PASK: variants seen among roughly 807,000 people sequenced by gnomAD.
The protein encoded by PASK is PAS domain-containing serine/threonine-protein kinase.
In PASK, 110 loss-of-function variants were observed where a neutral mutation model predicts 121.0. That is an observed-to-expected ratio of 0.91 (90% CI 0.78 to 1.06). PASK has a LOEUF of 1.06. PASK is among the 50% of genes least tolerant of loss of function. The pLI is 0.00. For synonymous variants in PASK, 686 were observed against 717.8 expected (o/e 0.96, Z 0.71); for missense variants, 1,643 against 1,702.3 (o/e 0.97, Z 0.61).
chr2:241,112,627 G>A lies in PASK; in HGVS notation c.3334-188C>T, dbSNP rs1165403084. 1 of 573,562 alleles carries A rather than the reference G, an allele frequency of 1.7e-6. No homozygotes were observed. The highest frequency in any genetic ancestry group is 3.1e-6 in the Non-Finnish European group (1 of 323,460). 35.5% of individuals were successfully genotyped at this position (573,562 alleles called of 1,614,324 possible). A position where few individuals can be genotyped will look rare whatever the true frequency, so the allele number is the denominator to read the frequency against. Reference sequence around the variant, plus strand: ...AGCAAACAGGAAACAAAGCCCTTCAGGAGGCGTGTTCACTGGGGATGGCCA... The same window carrying A: ...AGCAAACAGGAAACAAAGCCCTTCAAGAGGCGTGTTCACTGGGGATGGCCA... On this transcript the variant is annotated intron_variant, in intron 14 of 17. Coordinates refer to ENST00000234040, the MANE Select transcript of PASK (RefSeq NM_015148.4). The surrounding 1 kb of genome is among the most constrained non-coding windows in gnomAD (Gnocchi z 5.2).
chr2:241,149,264 G>C (rs962972492), intron 1 of PASK, 150 bp downstream of exon 1: 8 of 163,432 alleles, frequency 4.9e-5, no homozygotes, highest in Admixed American at 1.3e-4. Context: ...GAAGGGCGAC[G>C]GGCGCAGGGG....
chr2:241,122,531 G>A (rs558580651), intron 12 of PASK, among the ~76,000 whole-genome samples: 52 of 152,280 alleles, frequency 3.4e-4, no homozygotes, highest in African/African-American at 1.2e-3. Flanking sequence ...ACAATTGGAC[G>A]GGATCAGCAA....
upstream of PASK, chr2:241,149,971 C>T (rs2067208108): frequency 4.2e-6 from 6 of 1,420,454 alleles, no homozygotes; most frequent in Non-Finnish European, 5.5e-6. Flanking sequence ...GTAAAATCCG[C>T]GCGGGGACGC....
chr2:241,116,723 G>A (rs2065387017), intron 12 of PASK, among the ~76,000 whole-genome samples: 1 of 152,190 alleles, frequency 6.6e-6, no homozygotes, highest in Admixed American at 6.5e-5. Context: ...AAAGAACACT[G>A]CAAGTCGCTG....
intron 8 of PASK, chr2:241,134,521 A>G (rs1269864771): frequency 6.6e-6 from 1 of 152,228 alleles, no homozygotes; most frequent in East Asian, 1.9e-4. Flanking sequence ...GAACTCACAC[A>G]ATGCCCAGAC....
At chr2:241,138,309 G>A (rs566853842) in intron 5 of PASK, among the ~76,000 whole-genome samples, 1 of 152,322 alleles carries the variant, frequency 6.6e-6, no homozygotes, top group South Asian at 2.1e-4. Context: ...CAGGAGCCTG[G>A]CCCACACCAC....
Position 241,133,016 on chromosome 2 carries a change from C to T in PASK, c.1321G>A (p.Val441Ile), listed in dbSNP as rs753404210. The change falls in exon 9 of 18, where the codon GTC becomes ATC. Residue 441 changes from valine (V) to isoleucine (I), a missense_variant. Coordinates refer to ENST00000234040, the MANE Select transcript of PASK (RefSeq NM_015148.4). ...ACAACGTGGCCACCAGCAAGCACGA[C>T]ATTAATCCTTGGATCTGGCAGCAAC... Reference protein sequence around the residue: ...AEGGQDPRINVVLAGGHVVPR... With the variant: ...AEGGQDPRINIVLAGGHVVPR... 7.4e-6 allele frequency: 12 copies of T among 1,614,056 alleles called. No individual in the cohort carries two copies. Among genetic ancestry groups the T allele is most frequent in the Non-Finnish European group, 1.0e-5 (12 of 1,180,026 alleles).
chr2:241,115,974 CA>C lies in PASK; in HGVS notation c.3073-562del, dbSNP rs1473009301. On this transcript the variant is annotated intron_variant, in intron 12 of 17. Coordinates refer to ENST00000234040, the MANE Select transcript of PASK (RefSeq NM_015148.4). ...CATTACGCCGGGGCCACCTGGTCCT[CA>C]AGCATCCCATTACACCAGGGGCCAC... Among the ~76,000 whole-genome samples the C allele has an allele frequency of 3.6e-4, 36 of 101,296 alleles. 1 individual carries two copies. Among genetic ancestry groups the C allele is most frequent in the African/African-American group, 1.5e-3 (22 of 14,966 alleles). The allele number at this position is 101,296 out of a possible 152,430, so 66.5% of individuals were successfully genotyped here.
In PASK at chr2:241,144,360, G is replaced by A. The variant is rs12623850; in HGVS notation, c.-42-1286C>T. On this transcript the variant is annotated intron_variant, in intron 1 of 17. Transcript: ENST00000234040. ...TAAAGCAAGAAGATTTCCTCTACTG[G>A]CAGGAAGCCCCCACCTGGTCATCCA... Among the ~76,000 whole-genome samples, 6,820 of 152,248 alleles carry A rather than the reference G, an allele frequency of 0.045. 702 individuals are homozygous for A. The East Asian group carries it at 0.45, about 10-fold the overall frequency.
intron 9 of PASK, among the ~76,000 whole-genome samples, chr2:241,130,995 G>A (rs1222194043): frequency 6.6e-6 from 1 of 152,180 alleles, no homozygotes; most frequent in Non-Finnish European, 1.5e-5. Flanking sequence ...ATAGTTAAAT[G>A]CACAAGAAAG....
intron 15 of PASK, among the ~76,000 whole-genome samples, chr2:241,110,834 G>T (rs1298773305): frequency 6.6e-6 from 1 of 152,200 alleles, no homozygotes; most frequent in Admixed American, 6.5e-5. Flanking sequence ...AACTAGATCT[G>T]AAGGGAAACT....
At position 241,106,580 on chromosome 2, in the gene PASK, G is replaced by C; in HGVS notation, c.3958C>G (p.Leu1320Val). The C allele has an allele frequency of 6.2e-7, 1 of 1,614,202 alleles. No homozygotes were observed. Among genetic ancestry groups the C allele is most frequent in the Non-Finnish European group, 8.5e-7 (1 of 1,180,030 alleles). Reference sequence around the variant, plus strand: ...GAAATTGGTGTTTAGCTGGTCAGCAGACGGGGATCCCCGGGATGCAAACAG... The same window carrying C: ...GAAATTGGTGTTTAGCTGGTCAGCACACGGGGATCCCCGGGATGCAAACAG... The part of the protein sequence containing the change: ...QGCLHPGDPR[L>V]LTS The change falls in exon 18 of 18, where the codon CTG becomes GTG. Residue 1320 changes from leucine to valine, a missense_variant. Physicochemically the swap from Leu to Val is conservative, Grantham distance 32. Transcript: ENST00000234040.
rs1429351368 is a variant in PASK at position 241,108,599 on chromosome 2, G to C, written c.3534-299C>G. On this transcript the variant is annotated intron_variant, in intron 15 of 17. Transcript: ENST00000234040. This position sits in a 1 kb window ranked among gnomAD's most constrained non-coding sequence, Gnocchi z 5.2. ...CTACCAGAGGGGGGAGCGGGGGGAG[G>C]GCTTCCTGGAGGAAGCAGAGTACAC... is the stretch of plus-strand genomic sequence containing the variant. The C allele has an allele frequency of 1.5e-5, 7 of 466,808 alleles. No individual in the cohort carries two copies. The highest frequency in any genetic ancestry group is 2.8e-5 in the Non-Finnish European group (7 of 252,156). The allele number at this position is 466,808 out of a possible 1,614,324, so 28.9% of individuals were successfully genotyped here.
intron 12 of PASK, among the ~76,000 whole-genome samples, chr2:241,122,449 G>A (rs1296259637): frequency 6.6e-6 from 1 of 152,216 alleles, no homozygotes; most frequent in Non-Finnish European, 1.5e-5. Context: ...GGGAACACAG[G>A]TCCAGATGTG....
rs935769696 is a variant in PASK, at chr2:241,115,089, C to T, written c.3287G>A (p.Arg1096His). The T allele has an allele frequency of 1.9e-5, 31 of 1,613,984 alleles. No individual in the cohort carries two copies. The highest frequency in any genetic ancestry group is 6.7e-5 in the African/African-American group (5 of 74,914). Residue 1096 changes from arginine to histidine, a missense_variant, in exon 14 of 18, where the codon CGC becomes CAC. By Grantham distance (29) the Arg-to-His change is conservative. Transcript: ENST00000234040. Reference protein sequence around the residue: ...SGLDLFAFIDRHPRLDEPLAS... With the variant: ...SGLDLFAFIDHHPRLDEPLAS... ...CAGGGGCTCATCCAGCCTGGGGTGG[C>T]GGTCGATGAAAGCGAAGAGGTCTAG... is the stretch of plus-strand genomic sequence containing the variant.
chr2:241,108,288 C>T lies in PASK; in HGVS notation c.3546G>A (p.Pro1182=), dbSNP rs143703586. 670 of 1,614,082 alleles carry T rather than the reference C, an allele frequency of 4.2e-4. No individual in the cohort carries two copies. The highest frequency in any genetic ancestry group is 5.5e-4 in the Non-Finnish European group (650 of 1,179,962). The change falls in exon 16 of 18, where the codon CCG becomes CCA. Residue 1182 remains proline, a synonymous_variant. Transcript: ENST00000234040. This position sits in a 1 kb window ranked among gnomAD's most constrained non-coding sequence, Gnocchi z 5.2. ...CTCCCAGAGACCACATCTCCAGCTC[C>T]GGCCCTCTGTAGCTGTGAGGAGGAG... ...EVLMGNPYRG[P]ELEMWSLGVT... is the part of the protein sequence containing the mutation.
chr2:241,136,617 G>A (rs1299439164), intron 7 of PASK, among the ~76,000 whole-genome samples: 5 of 152,166 alleles, frequency 3.3e-5, no homozygotes, highest in Admixed American at 6.5e-5. Context: ...CCCTCATCCA[G>A]GAAGAACACT....
chr2:241,143,953 A>G (rs146834998), intron 1 of PASK, among the ~76,000 whole-genome samples: 1 of 152,378 alleles, frequency 6.6e-6, no homozygotes, highest in East Asian at 1.9e-4. Flanking sequence ...GGGTGGAAAT[A>G]CAGGAAAATC....
At chr2:241,129,430 T>G (rs1374471551) in intron 9 of PASK, among the ~76,000 whole-genome samples, 1 of 152,142 alleles carries the variant, frequency 6.6e-6, no homozygotes, top group Non-Finnish European at 1.5e-5. Flanking sequence ...CCCAGCAGGC[T>G]GGGGAGAGGG....
Sources: gnomAD v4.1 joint callset for allele counts (sites outside exome capture counted in the v4.1 genomes callset) on GRCh38, gnomAD v4.1.1 for gene constraint, Gnocchi (gnomAD v3.1) non-coding constraint, MANE v1.5 for transcripts, NCBI Gene and HGNC (gene_info 2026-07-23, HGNC 2026-07-21) for gene names.